COL18A1: variants seen among roughly 807,000 people sequenced by gnomAD.
The protein encoded by COL18A1 is collagen type XVIII alpha 1 chain, also known as collagen alpha-1(XVIII) chain.
A neutral mutation model predicts 168.0 loss-of-function variants in COL18A1; 133 were observed. The observed-to-expected ratio is 0.79, with a 90% CI of 0.69 to 0.91. COL18A1 has a LOEUF of 0.91. Among genes scored for constraint, COL18A1 ranks in the 40% least tolerant of loss-of-function variants. The probability of loss-of-function intolerance (pLI) is 0.00; values close to 1 mark genes in which losing one functional copy is unlikely to be tolerated. For missense variants in COL18A1, 2,126 were observed against 1,925.4 expected (o/e 1.10, Z -1.95); for synonymous variants, 949 against 809.0 (o/e 1.17, Z -2.94).
chr21:45,433,241 A>G lies in COL18A1; in HGVS notation c.106+27768A>G, dbSNP rs116209148. On this transcript the variant is annotated intron_variant, in intron 2 of 41. Transcript: ENST00000651438. Reference sequence around the variant, plus strand: ...GGACAGAAAGTTTGGATGATAGGACAGAACATTTAGTTCAATCTTTCCACT... The same window carrying G: ...GGACAGAAAGTTTGGATGATAGGACGGAACATTTAGTTCAATCTTTCCACT... Among the ~76,000 whole-genome samples, 410 of 152,360 alleles carry G rather than the reference A, an allele frequency of 2.7e-3. 2 individuals carry two copies. Among genetic ancestry groups the G allele is most frequent in the African/African-American group, 8.9e-3 (368 of 41,578 alleles).
chr21:45,494,816 A>G, intron 27 of COL18A1, 46 bp from the exon 28 acceptor site: 1 of 1,557,486 alleles, frequency 6.4e-7, no homozygotes. Flanking sequence ...CTCGTGGTCA[A>G]GGGCCAGGGT....
In COL18A1 at chr21:45,489,530, T is replaced by C; in HGVS notation, c.1959+9T>C. ...GGCTGCCGGGGGCGAAGGTAAGCGC[T>C]GTGCCCGGGTTCAGGGACGTGGCCA... On this transcript the variant is annotated intron_variant, in intron 19 of 41. Coordinates refer to ENST00000651438, the MANE Select transcript of COL18A1 (RefSeq NM_001379500.1). 1 of 1,585,270 alleles carries C rather than the reference T, an allele frequency of 6.3e-7. No individual in the cohort carries two copies. The highest frequency in any genetic ancestry group is 1.7e-4 in the Middle Eastern group (1 of 5,958).
At chr21:45,461,042 A>G (rs938134973) in intron 2 of COL18A1, among the ~76,000 whole-genome samples, 2 of 152,190 alleles carry the variant, frequency 1.3e-5, no homozygotes, top group African/African-American at 4.8e-5. Flanking sequence ...TATCACTTCA[A>G]CCAGTTACCG....
At chr21:45,458,264 G>A (rs373875955) in intron 2 of COL18A1, among the ~76,000 whole-genome samples, 5 of 149,808 alleles carry the variant, frequency 3.3e-5, no homozygotes, top group Admixed American at 1.3e-4. Context: ...GGCCGTGCCC[G>A]CGGCTGTTGG....
intron 2 of COL18A1, chr21:45,455,812 C>G (rs764638296): frequency 1.2e-6 from 2 of 1,613,480 alleles, no homozygotes; most frequent in East Asian, 4.5e-5. Flanking sequence ...AGGACACCCC[C>G]ACTTCTGCCG....
At position 45,475,549 on chromosome 21, in the gene COL18A1, C is replaced by T. The variant is rs778213376; in HGVS notation, c.798+14C>T. 5.1e-5 allele frequency: 82 copies of T among 1,600,108 alleles called. No homozygotes were observed. The East Asian group carries it at 7.4e-4, about 14-fold the overall frequency. ...AGGGAGGAGACGGTGAGTAGCCGGA[C>T]GGGGCCCAGCCCACGCTGCAGGGTC... On this transcript the variant is annotated intron_variant, in intron 5 of 41. Coordinates refer to ENST00000651438, the MANE Select transcript of COL18A1 (RefSeq NM_001379500.1).
rs2145858787 is a variant in COL18A1 at position 45,457,547 on chromosome 21, T to TG, written c.107-10690dup. Among the ~76,000 whole-genome samples, 1 of 152,156 alleles carries TG rather than the reference T, an allele frequency of 6.6e-6. No individual in the cohort carries two copies. Among genetic ancestry groups the TG allele is most frequent in the African/African-American group, 2.4e-5 (1 of 41,516 alleles). On this transcript the variant is annotated intron_variant, in intron 2 of 41. Coordinates refer to ENST00000651438, the MANE Select transcript of COL18A1 (RefSeq NM_001379500.1). This position sits in a 1 kb window ranked among gnomAD's most constrained non-coding sequence, Gnocchi z 4.6. ...CTGGCCTTGTTGCTGGCTGGACAGT[T>TG]GGGGGCAGGAAGAGGAGGGAAAGGG... is the stretch of plus-strand genomic sequence containing the variant.
chr21:45,499,689 C>T (rs887869525), intron 32 of COL18A1, among the ~76,000 whole-genome samples: 3 of 152,164 alleles, frequency 2.0e-5, no homozygotes, highest in Admixed American at 1.3e-4. Context: ...GTGGTCTCAG[C>T]GCCCTGGGGA....
At chr21:45,431,359 G>A (rs2033953830) in intron 2 of COL18A1, among the ~76,000 whole-genome samples, 1 of 151,102 alleles carries the variant, frequency 6.6e-6, no homozygotes, top group Non-Finnish European at 1.5e-5. Context: ...CGGCCCAGGG[G>A]AGGGGGGCAG....
At chr21:45,436,750 G>A (rs2034111675) in intron 2 of COL18A1, among the ~76,000 whole-genome samples, 1 of 151,866 alleles carries the variant, frequency 6.6e-6, no homozygotes, top group Non-Finnish European at 1.5e-5. Flanking sequence ...GTGGCTGTGG[G>A]GTCCCTGATG....
intron 8 of COL18A1, 30 bp downstream of exon 8, chr21:45,477,995 C>T: frequency 1.6e-6 from 2 of 1,221,906 alleles, no homozygotes; most frequent in South Asian, 1.3e-5. Context: ...CGAGTCCGGC[C>T]CGGTCTGGAG....
intron 2 of COL18A1, among the ~76,000 whole-genome samples, chr21:45,432,428 C>G (rs2033988651): frequency 6.6e-6 from 1 of 152,262 alleles, no homozygotes; most frequent in African/African-American, 2.4e-5. Context: ...CCTCCTCTCC[C>G]TCTGCACAGG....
rs1489780210 is a variant in COL18A1, at chr21:45,498,484, G to A, written c.2683+823G>A. The stretch of plus-strand genomic sequence containing the variant: ...CCGCCACGGTCCCCGCTCGCCGCCA[G>A]GGTCCCCTCTCGCTGCCAGGGTCCT... On this transcript the variant is annotated intron_variant, in intron 32 of 41. Transcript: ENST00000651438. The surrounding 1 kb of genome is among the most constrained non-coding windows in gnomAD (Gnocchi z 4.5). 1.4e-6 allele frequency: 1 copy of A among 713,190 alleles called. No homozygotes were observed. The highest frequency in any genetic ancestry group is 2.6e-6 in the Non-Finnish European group (1 of 383,944). The allele number at this position is 713,190 out of a possible 1,614,324, so 44.2% of individuals were successfully genotyped here.
chr21:45,504,524 C>T lies in COL18A1; in HGVS notation c.2836C>T (p.Pro946Ser), dbSNP rs1197685437. The T allele has an allele frequency of 2.6e-6, 4 of 1,514,876 alleles. No individual in the cohort carries two copies. The highest frequency in any genetic ancestry group is 2.8e-5 in the African/African-American group (2 of 72,720). 93.8% of individuals were successfully genotyped at this position (1,514,876 alleles called of 1,614,324 possible). A position where few individuals can be genotyped will look rare whatever the true frequency, so the allele number is the denominator to read the frequency against. ...GCCCGGCCCCCCCGGCCCCCCAGGC[C>T]CCCCAGGCCCACGTGGCTACCCTGG... ...SLPGPPGPPG[P>S]PGPRGYPGIP... The change falls in exon 34 of 42, where the codon CCC becomes TCC. Residue 946 changes from proline to serine, a missense_variant. Transcript: ENST00000651438.
intron 2 of COL18A1, among the ~76,000 whole-genome samples, chr21:45,411,768 G>C (rs901263266): frequency 9.4e-5 from 10 of 106,572 alleles, no homozygotes; most frequent in Non-Finnish European, 1.5e-4. Context: ...GCGGGGGGTG[G>C]GGGGGGGGCA....
At chr21:45,484,387 C>T (rs1274392757) in intron 15 of COL18A1, among the ~76,000 whole-genome samples, 3 of 128,216 alleles carry the variant, frequency 2.3e-5, no homozygotes, top group African/African-American at 9.7e-5. Flanking sequence ...CACACATCTC[C>T]AGCATGTGTG....
chr21:45,411,778 A>AGGGGGGGGGGGGGGGGGGGGG (rs1569273645), intron 2 of COL18A1, among the ~76,000 whole-genome samples: 3 of 108,316 alleles, frequency 2.8e-5, no homozygotes, highest in African/African-American at 1.2e-4. Flanking sequence ...GGGGGGGGGC[A>AGGGGGGGGGGGGGGGGGGGGG]GGCTGTGGTC....
chr21:45,507,529 A>G lies in COL18A1; in HGVS notation c.3217-32A>G, dbSNP rs750606519. 4.4e-6 allele frequency: 7 copies of G among 1,608,310 alleles called. No homozygotes were observed. In the East Asian group the frequency reaches 8.9e-5, roughly 21 times the overall value. ...GGCACCCTGGCTCAGGCCCAGCCGC[A>G]GGTCCTGGGTGACCCTGCTGCTTTC... On this transcript the variant is annotated intron_variant, in intron 37 of 41. Transcript: ENST00000651438.
chr21:45,480,111 A>G lies in COL18A1; in HGVS notation c.1353A>G (p.Gln451=). The change falls in exon 11 of 42, where the codon CAA becomes CAG. Residue 451 remains glutamine (Q), a synonymous_variant. Coordinates refer to ENST00000651438, the MANE Select transcript of COL18A1 (RefSeq NM_001379500.1). ...GVGERGPPGP[Q]GPPGPPGPSF... The stretch of plus-strand genomic sequence containing the variant: ...GAGAGAGAGGGCCCCCAGGACCCCA[A>G]GGGCCTCCAGGGCCCCCAGGACCCT... 5 of 1,603,176 alleles carry G rather than the reference A, an allele frequency of 3.1e-6. No individual in the cohort carries two copies. Among genetic ancestry groups the G allele is most frequent in the South Asian group, 1.1e-5 (1 of 90,846 alleles).
Sources: gnomAD v4.1 joint callset for allele counts (sites outside exome capture counted in the v4.1 genomes callset) on GRCh38, gnomAD v4.1.1 for gene constraint, Gnocchi (gnomAD v3.1) non-coding constraint, MANE v1.5 for transcripts, NCBI Gene and HGNC (gene_info 2026-07-23, HGNC 2026-07-21) for gene names.